The following AKAP6 variants were observed in gnomAD, a reference collection of about 807,000 sequenced individuals.
AKAP6 encodes A-kinase anchor protein 6.
In AKAP6, 58 loss-of-function variants were observed where a neutral mutation model predicts 188.5. That is an observed-to-expected ratio of 0.31 (90% CI 0.25 to 0.38). The LOEUF (loss-of-function observed/expected upper bound fraction) is 0.38, where lower values mean the gene tolerates loss of function less well. Ranked by LOEUF, AKAP6 falls within the 10% of genes least tolerant of loss-of-function variation. AKAP6 has a pLI of 1.00. For missense variants in AKAP6, 2,710 were observed against 2,740.0 expected, an observed-to-expected ratio of 0.99 and a Z score of 0.24; for synonymous variants, 989 against 998.6, an observed-to-expected ratio of 0.99 and a Z score of 0.18.
At chr14:32,471,532 C>A (rs557824207) in intron 2 of AKAP6, among the ~76,000 whole-genome samples, 1 of 152,262 alleles carries the variant, frequency 6.6e-6, no homozygotes, top group South Asian at 2.1e-4. Context: ...AAGTCCATGG[C>A]GAGAGCTGAG....
At chr14:32,747,918 A>G (rs182187426) in intron 11 of AKAP6, among the ~76,000 whole-genome samples, 3 of 152,300 alleles carry the variant, frequency 2.0e-5, no homozygotes, top group African/African-American at 7.2e-5. Flanking sequence ...TACTCATTTT[A>G]TATGTGGTGT....
At chr14:32,442,758 G>A (rs1241372179) in intron 2 of AKAP6, 1 of 152,138 alleles carries the variant, frequency 6.6e-6, no homozygotes, top group Non-Finnish European at 1.5e-5. Context: ...TTCATCATAA[G>A]TAGGAATGTG....
chr14:32,384,117 G>A (rs1007998360), intron 1 of AKAP6, among the ~76,000 whole-genome samples: 1 of 152,154 alleles, frequency 6.6e-6, no homozygotes, highest in Non-Finnish European at 1.5e-5. Context: ...GCTAACTAAA[G>A]GCTTACGTTT....
chr14:32,802,444 C>T (rs2033976009), intron 12 of AKAP6, among the ~76,000 whole-genome samples: 1 of 152,132 alleles, frequency 6.6e-6, no homozygotes. Flanking sequence ...AAATAAATAT[C>T]CAATCCAAAT....
At chr14:32,766,360 T>C (rs1235225246) in intron 11 of AKAP6, among the ~76,000 whole-genome samples, 1 of 152,166 alleles carries the variant, frequency 6.6e-6, no homozygotes, top group Non-Finnish European at 1.5e-5. Context: ...TTCAGTTCTC[T>C]TGGGTATATA....
chr14:32,480,398 A>C (rs1396033251), intron 2 of AKAP6, among the ~76,000 whole-genome samples: 1 of 152,206 alleles, frequency 6.6e-6, no homozygotes, highest in Non-Finnish European at 1.5e-5. Context: ...TAATGATTGA[A>C]ACAATAGTAC....
chr14:32,399,489 T>C (rs1338711075), intron 1 of AKAP6, among the ~76,000 whole-genome samples: 4 of 152,182 alleles, frequency 2.6e-5, no homozygotes, highest in Admixed American at 2.6e-4. Flanking sequence ...CAGGAAAGAA[T>C]GGGGATAAAT....
intron 1 of AKAP6, among the ~76,000 whole-genome samples, chr14:32,419,653 C>A (rs948096134): frequency 1.3e-5 from 2 of 152,132 alleles, no homozygotes; most frequent in African/African-American, 4.8e-5. Flanking sequence ...CACTTAATCA[C>A]CTGTGGTTTT....
intron 7 of AKAP6, among the ~76,000 whole-genome samples, chr14:32,672,560 C>T (rs1489325922): frequency 6.6e-6 from 1 of 152,150 alleles, no homozygotes; most frequent in Non-Finnish European, 1.5e-5. Context: ...GACACCAATT[C>T]TATTGGATTG....
chr14:32,390,113 C>A (rs1566478594), intron 1 of AKAP6, among the ~76,000 whole-genome samples: 1 of 152,050 alleles, frequency 6.6e-6, no homozygotes, highest in African/African-American at 2.4e-5. Context: ...CTCTGAATTT[C>A]TTTCTTCCTC....
At chr14:32,622,343 T>C (rs1158791460) in intron 7 of AKAP6, among the ~76,000 whole-genome samples, 2 of 152,130 alleles carry the variant, frequency 1.3e-5, no homozygotes, top group African/African-American at 2.4e-5. Flanking sequence ...ACTTTAATGT[T>C]TTTTTCAAGA....
intron 2 of AKAP6, chr14:32,442,264 T>C (rs1263235220): frequency 6.6e-6 from 1 of 152,212 alleles, no homozygotes; most frequent in Admixed American, 6.5e-5. Context: ...CTAATATTCT[T>C]TCTATTTTGG....
At chr14:32,385,355 A>T (rs12893155) in intron 1 of AKAP6, among the ~76,000 whole-genome samples, 3 of 151,220 alleles carry the variant, frequency 2.0e-5, no homozygotes, top group Admixed American at 6.6e-5. Context: ...TTTTACTAAG[A>T]TTGTTATTTT....
At chr14:32,653,725 A>G (rs576426123) in intron 7 of AKAP6, among the ~76,000 whole-genome samples, 32 of 152,348 alleles carry the variant, frequency 2.1e-4, no homozygotes, top group Middle Eastern at 3.4e-3. Flanking sequence ...ATCTTGAAGA[A>G]TACAATGAAA....
intron 4 of AKAP6, among the ~76,000 whole-genome samples, chr14:32,566,546 G>A (rs1038852452): frequency 6.6e-6 from 1 of 152,038 alleles, no homozygotes; most frequent in Non-Finnish European, 1.5e-5. Context: ...GTGTATGTGA[G>A]TCCCAAGGGC....
intron 8 of AKAP6, among the ~76,000 whole-genome samples, chr14:32,693,943 A>G (rs1175914016): frequency 2.6e-5 from 4 of 152,178 alleles, no homozygotes; most frequent in Admixed American, 2.6e-4. Flanking sequence ...AATAAAGAAA[A>G]CCAGATGGTT....
chr14:32,672,494 A>G (rs780482502), intron 7 of AKAP6, among the ~76,000 whole-genome samples: 9 of 152,304 alleles, frequency 5.9e-5, no homozygotes, highest in South Asian at 4.1e-4. Flanking sequence ...CTGTGTTCTC[A>G]TATGGCTGTT....
chr14:32,478,783 C>G (rs2138890088), intron 2 of AKAP6, among the ~76,000 whole-genome samples: 1 of 152,128 alleles, frequency 6.6e-6, no homozygotes, highest in East Asian at 1.9e-4. Context: ...ACTGGCTGTG[C>G]AGATGGAGGA....
At position 32,834,032 on chromosome 14, in the gene AKAP6, T is replaced by G. The variant is rs1320448205; in HGVS notation, c.*4227T>G. On this transcript the variant is annotated 3_prime_UTR_variant, in exon 14 of 14. Coordinates refer to ENST00000280979, the MANE Select transcript of AKAP6 (RefSeq NM_004274.5). Reference sequence around the variant, plus strand: ...GTATGATACTTCATCTGCAAATACTTCAGCATGTGTTAGCTGAGAACATGG... The same window carrying G: ...GTATGATACTTCATCTGCAAATACTGCAGCATGTGTTAGCTGAGAACATGG... 2 of 152,234 alleles carry G rather than the reference T, an allele frequency of 1.3e-5. No homozygotes were observed. The highest frequency in any genetic ancestry group is 4.8e-5 in the African/African-American group (2 of 41,448). The allele number at this position is 152,234 out of a possible 1,614,324, so 9.4% of individuals were successfully genotyped here. A position where few individuals can be genotyped will look rare whatever the true frequency, so the allele number is the denominator to read the frequency against.
Sources: allele counts gnomAD v4.1 joint callset (sites outside exome capture counted in the v4.1 genomes callset), GRCh38; gene constraint gnomAD v4.1.1; transcripts MANE v1.5; gene names NCBI Gene and HGNC (gene_info 2026-07-23, HGNC 2026-07-21).